COL4A2: variants seen among roughly 807,000 people sequenced by gnomAD.
COL4A2 encodes the protein collagen alpha-2(IV) chain.
COL4A2 carries 99 observed loss-of-function variants against 200.2 expected under a neutral mutation model. The ratio of observed to expected loss-of-function variants is 0.49; its 90% confidence interval spans 0.42 to 0.58. COL4A2 has a LOEUF of 0.58. Among genes scored for constraint, COL4A2 ranks in the 20% least tolerant of loss-of-function variants. The pLI is 0.00. For synonymous variants in COL4A2, 897 were observed against 900.6 expected (o/e 1.00, Z 0.07); for missense variants, 1,950 against 2,314.1 (o/e 0.84, Z 3.23).
intron 18 of COL4A2, among the ~76,000 whole-genome samples, chr13:110,448,845 T>G (rs2391829): frequency 0.95 from 143,977 of 152,282 alleles, 68,112 homozygotes; most frequent in Non-Finnish European, 0.97. Flanking sequence ...ACTTGGCTGC[T>G]TTTACTGAGG....
At chr13:110,437,620 G>A (rs1051045082) in intron 13 of COL4A2, among the ~76,000 whole-genome samples, 5 of 152,050 alleles carry the variant, frequency 3.3e-5, no homozygotes, top group Non-Finnish European at 7.4e-5. Context: ...TTTCTCAGAG[G>A]GCCTCCTAGT....
chr13:110,387,245 GTAATAA>G (rs931589396), intron 4 of COL4A2, among the ~76,000 whole-genome samples: 8 of 151,676 alleles, frequency 5.3e-5, no homozygotes, highest in Non-Finnish European at 8.8e-5. Context: ...TCTCAAATAA[GTAATAA>G]TAATAAAAAA....
At chr13:110,472,713 G>T (rs927214399) in intron 28 of COL4A2, among the ~76,000 whole-genome samples, 2 of 152,124 alleles carry the variant, frequency 1.3e-5, no homozygotes, top group South Asian at 4.1e-4. Context: ...CTGGGGGGCC[G>T]AATGGCGGGG....
intron 28 of COL4A2, among the ~76,000 whole-genome samples, chr13:110,471,804 C>T (rs1056177194): frequency 2.6e-5 from 4 of 152,186 alleles, no homozygotes; most frequent in South Asian, 4.1e-4. Flanking sequence ...TTCCCTTTTC[C>T]GTATCCATAC....
chr13:110,417,547 T>C (rs1360891770), intron 4 of COL4A2, among the ~76,000 whole-genome samples: 1 of 152,198 alleles, frequency 6.6e-6, no homozygotes, highest in Admixed American at 6.5e-5. Context: ...TATACAGCGA[T>C]AGAACCACCA....
chr13:110,458,939 G>A lies in COL4A2; in HGVS notation c.1596+5G>A. On this transcript the variant is annotated splice_donor_5th_base_variant and intron_variant, in intron 22 of 47. Transcript: ENST00000360467. ...CCTGGGTTCCCAGGGCTCAAGGTGA[G>A]GAGCAATTTCATCATGAAGCTGGCA... The A allele has an allele frequency of 6.5e-7, 1 of 1,544,960 alleles. No individual in the cohort carries two copies. The highest frequency in any genetic ancestry group is 8.7e-7 in the Non-Finnish European group (1 of 1,148,418).
intron 3 of COL4A2, among the ~76,000 whole-genome samples, chr13:110,325,299 C>T (rs897219341): frequency 6.6e-6 from 1 of 152,106 alleles, no homozygotes; most frequent in Non-Finnish European, 1.5e-5. Flanking sequence ...GAAATGAAGT[C>T]AAAAGCACAT....
intron 4 of COL4A2, among the ~76,000 whole-genome samples, chr13:110,410,656 T>A (rs1879795903): frequency 6.6e-6 from 1 of 152,214 alleles, no homozygotes; most frequent in Non-Finnish European, 1.5e-5. Flanking sequence ...ACAAAATATG[T>A]TACTGATGTT....
intron 3 of COL4A2, among the ~76,000 whole-genome samples, chr13:110,349,758 C>T (rs1235351290): frequency 6.6e-6 from 1 of 151,898 alleles, no homozygotes; most frequent in East Asian, 1.9e-4. Flanking sequence ...GATGGATTTT[C>T]ATATCTTCTT....
At chr13:110,487,856 G>A (rs1883162853) in intron 34 of COL4A2, among the ~76,000 whole-genome samples, 1 of 152,198 alleles carries the variant, frequency 6.6e-6, no homozygotes, top group South Asian at 2.1e-4. Context: ...GTCTTTCAGT[G>A]ACACACGAGT....
At chr13:110,497,168 C>T (rs1212745020) in intron 40 of COL4A2, among the ~76,000 whole-genome samples, 2 of 151,558 alleles carry the variant, frequency 1.3e-5, no homozygotes, top group African/African-American at 4.9e-5. Context: ...GGTCAGCGCA[C>T]CAGCAGAAGC....
chr13:110,502,318 G>T (rs402283), intron 41 of COL4A2, among the ~76,000 whole-genome samples: 147,877 of 152,286 alleles, frequency 0.97, 71,934 homozygotes, highest in East Asian at 1. Flanking sequence ...CTTTTTTGTT[G>T]GGTTGTTTTC....
At position 110,477,067 on chromosome 13, in the gene COL4A2, G is replaced by A. The variant is rs185050034; in HGVS notation, c.2426-936G>A. ...CCCCAGAGGAAAATAGGAGCAAAGA[G>A]GCCGGGCACAGTGGCTCATGCCTGT... is the stretch of plus-strand genomic sequence containing the variant. On this transcript the variant is annotated intron_variant, in intron 29 of 47. Transcript: ENST00000360467. 2.0e-5 allele frequency among the ~76,000 whole-genome samples: 3 copies of A among 152,302 alleles called. No homozygotes were observed. The East Asian group carries it at 5.8e-4, about 29-fold the overall frequency.
chr13:110,407,939 TAA>T (rs1295284130), intron 4 of COL4A2, among the ~76,000 whole-genome samples: 2 of 151,848 alleles, frequency 1.3e-5, no homozygotes, highest in Non-Finnish European at 2.9e-5. Flanking sequence ...GGAAATGAGG[TAA>T]GAAGTTCAAC....
Position 110,430,626 on chromosome 13 carries a change from G to T in COL4A2, c.648+19G>T. On this transcript the variant is annotated intron_variant, in intron 10 of 47. Coordinates refer to ENST00000360467, the MANE Select transcript of COL4A2 (RefSeq NM_001846.4). Reference sequence around the variant, plus strand: ...GAGACCAGTAAGTACCTGGACACAGGTGCCCACTCTGGGACCATCGTCCGG... The same window carrying T: ...GAGACCAGTAAGTACCTGGACACAGTTGCCCACTCTGGGACCATCGTCCGG... 1.2e-6 allele frequency: 2 copies of T among 1,614,126 alleles called. No homozygotes were observed. Among genetic ancestry groups the T allele is most frequent in the Non-Finnish European group, 1.7e-6 (2 of 1,179,968 alleles).
At chr13:110,381,066 G>A (rs534081313) in intron 4 of COL4A2, among the ~76,000 whole-genome samples, 9 of 133,900 alleles carry the variant, frequency 6.7e-5, no homozygotes, top group Non-Finnish European at 1.1e-4. Flanking sequence ...TCACACCCAC[G>A]GGCTCTATCT....
Position 110,358,055 on chromosome 13 carries a change from A to G in COL4A2, c.180+503A>G, listed in dbSNP as rs1332368946. Among the ~76,000 whole-genome samples the G allele has an allele frequency of 4.6e-5, 7 of 152,354 alleles. No individual in the cohort carries two copies. The East Asian group carries it at 1.2e-3, about 25-fold the overall frequency. ...AGTAATAAATTAACCTTAGTTTACTATAACTTTTTTACTTTATAAACTGTT... is the reference window on the plus strand; with the variant it reads ...AGTAATAAATTAACCTTAGTTTACTGTAACTTTTTTACTTTATAAACTGTT... On this transcript the variant is annotated intron_variant, in intron 4 of 47. Coordinates refer to ENST00000360467, the MANE Select transcript of COL4A2 (RefSeq NM_001846.4).
rs746849056 is a variant in COL4A2, at chr13:110,484,924, G to T, written c.2922G>T (p.Gly974=). The T allele has an allele frequency of 2.7e-5, 44 of 1,611,274 alleles. No homozygotes were observed. Among genetic ancestry groups the T allele is most frequent in the East Asian group, 2.5e-4 (11 of 44,836 alleles). ...PGFKGSRGDP[G]PPGPPPVILP... ...TTCCAGGCAGCCGAGGGGACCCTGGGCCCCCAGGACCACCTCCTGTCATCC... is the reference window on the plus strand; with the variant it reads ...TTCCAGGCAGCCGAGGGGACCCTGGTCCCCCAGGACCACCTCCTGTCATCC... Residue 974 remains glycine, a synonymous_variant, in exon 33 of 48, where the codon GGG becomes GGT. Coordinates refer to ENST00000360467, the MANE Select transcript of COL4A2 (RefSeq NM_001846.4).
intron 8 of COL4A2, 43 bp downstream of exon 8, chr13:110,429,999 G>A: frequency 6.6e-7 from 1 of 1,518,902 alleles, no homozygotes; most frequent in Non-Finnish European, 8.8e-7. Flanking sequence ...GGGACCCAGT[G>A]TAAATTCTCA....
Sources: allele counts gnomAD v4.1 joint callset (sites outside exome capture counted in the v4.1 genomes callset), GRCh38; gene constraint gnomAD v4.1.1; transcripts MANE v1.5; gene names NCBI Gene and HGNC (gene_info 2026-07-23, HGNC 2026-07-21).